The following HEPH variants were observed in gnomAD, a reference collection of about 807,000 sequenced individuals.
HEPH encodes hephaestin.
Under a neutral mutation model 80.8 loss-of-function variants are expected in HEPH, and 69 were observed. That is an observed-to-expected ratio of 0.85 (90% confidence interval 0.70 to 1.04). The LOEUF is 1.04. HEPH is among the 50% of genes least tolerant of loss of function. The pLI is 0.00. For synonymous variants in HEPH, 431 were observed against 322.8 expected (o/e 1.34, Z -3.60); for missense variants, 1,115 against 891.3 (o/e 1.25, Z -3.20).
intron 18 of HEPH, 47 bp downstream of exon 18, chrX:66,259,026 G>C (rs764474888): frequency 1.8e-6 from 2 of 1,142,835 alleles, no homozygotes; most frequent in Admixed American, 2.7e-5. Context: ...TTAGAACAGT[G>C]GTTTAACAGC....
At position 66,256,289 on chromosome X, in the gene HEPH, A is replaced by C. The variant is rs1287911640; in HGVS notation, c.2855A>C (p.Asn952Thr). The C allele has an allele frequency of 8.3e-7, 1 of 1,210,714 alleles. No individual in the cohort carries two copies. ...THGSQDPGSI[N>T]LQDETFLESN... ...GGGTCCCAGGATCCAGGCAGTATTAACCTACAGGATGAAACTTTCTTGGAG... is the reference window on the plus strand; with the variant it reads ...GGGTCCCAGGATCCAGGCAGTATTACCCTACAGGATGAAACTTTCTTGGAG... Residue 952 changes from asparagine (N) to threonine (T), a missense_variant, in exon 17 of 21, where the codon AAC becomes ACC. Physicochemically the swap from Asn to Thr is moderately conservative, Grantham distance 65. Around this residue, in one of 3 missense-constraint regions of HEPH, gnomAD observed 716 missense variants for 523.5 expected, o/e 1.37. Transcript: ENST00000343002.
At chrX:66,207,130 A>T in intron 13 of HEPH, 65 bp from the exon 14 acceptor site, 2 of 1,109,733 alleles carry the variant, frequency 1.8e-6, no homozygotes, top group Non-Finnish European at 2.4e-6. Context: ...GCTTCCCCAT[A>T]AATACTCAAA....
chrX:66,263,556 G>T (rs1448861808), intron 19 of HEPH, 88 bp from the exon 20 acceptor site: 1 of 1,006,557 alleles, frequency 9.9e-7, no homozygotes, highest in Non-Finnish European at 1.4e-6. Context: ...AGAAATTTCT[G>T]CAACCAATGT....
intron 15 of HEPH, among the ~76,000 whole-genome samples, chrX:66,224,844 T>C (rs756275284): frequency 3.6e-5 from 4 of 110,533 alleles, no homozygotes; most frequent in Admixed American, 9.7e-5. Context: ...TCTCTTTCTT[T>C]CTCTCTCTCT....
intron 15 of HEPH, among the ~76,000 whole-genome samples, chrX:66,243,181 A>G (rs1442865343): frequency 8.9e-6 from 1 of 112,062 alleles, no homozygotes; most frequent in East Asian, 2.8e-4. Flanking sequence ...TTTTGCAGAA[A>G]CATAGATGGA....
chrX:66,197,082 G>A (rs1049936530), intron 9 of HEPH, among the ~76,000 whole-genome samples: 2 of 109,803 alleles, frequency 1.8e-5, no homozygotes, highest in Admixed American at 9.8e-5. Context: ...ATTTTCAATT[G>A]TACTTCTTTG....
intron 15 of HEPH, among the ~76,000 whole-genome samples, chrX:66,246,631 T>C (rs2090819992): frequency 9.0e-6 from 1 of 111,307 alleles, no homozygotes; most frequent in South Asian, 3.8e-4. Flanking sequence ...GTTCCCAGTC[T>C]TGCATAGGCT....
At chrX:66,239,905 C>T (rs1411874500) in intron 15 of HEPH, among the ~76,000 whole-genome samples, 3 of 111,607 alleles carry the variant, frequency 2.7e-5, no homozygotes, top group Non-Finnish European at 5.6e-5. Context: ...CTTCGTCACC[C>T]TTGGTAAACA....
chrX:66,265,151 G>A (rs895212680), intron 20 of HEPH, among the ~76,000 whole-genome samples: 1 of 110,776 alleles, frequency 9.0e-6, no homozygotes, highest in African/African-American at 3.3e-5. Flanking sequence ...ATTATATTCT[G>A]TCTTCTCTCA....
chrX:66,166,084 C>T (rs770886058), intron 1 of HEPH, among the ~76,000 whole-genome samples: 33 of 111,902 alleles, frequency 2.9e-4, no homozygotes, highest in Non-Finnish European at 6.0e-4. Flanking sequence ...GGGACTTGTT[C>T]AAGGTTATAT....
intron 8 of HEPH, 80 bp downstream of exon 8, chrX:66,193,718 C>A: frequency 1.4e-6 from 1 of 703,629 alleles, no homozygotes; most frequent in Non-Finnish European, 2.1e-6. Flanking sequence ...GCCTGGACAT[C>A]ACTTAGGAGC....
chrX:66,245,108 G>A (rs2090751859), intron 15 of HEPH, among the ~76,000 whole-genome samples: 1 of 111,176 alleles, frequency 9.0e-6, no homozygotes, highest in Admixed American at 9.6e-5. Flanking sequence ...CATAAAGACA[G>A]GATCAAATTC....
At chrX:66,262,111 A>G (rs1249067327) in intron 19 of HEPH, among the ~76,000 whole-genome samples, 3 of 112,121 alleles carry the variant, frequency 2.7e-5, no homozygotes, top group Non-Finnish European at 5.6e-5. Flanking sequence ...TTGTTTTTTT[A>G]TAACCCGCTA....
chrX:66,172,929 C>T (rs1392764468), intron 3 of HEPH, among the ~76,000 whole-genome samples: 2 of 112,392 alleles, frequency 1.8e-5, no homozygotes, highest in African/African-American at 6.5e-5. Flanking sequence ...AAAGAGAATG[C>T]TATAAATGTG....
chrX:66,202,173 G>A (rs140006755), intron 12 of HEPH, among the ~76,000 whole-genome samples: 1 of 111,529 alleles, frequency 9.0e-6, no homozygotes, highest in East Asian at 2.8e-4. Flanking sequence ...GATACTTGGG[G>A]GTGGGGTGGG....
intron 2 of HEPH, 110 bp downstream of exon 2, chrX:66,170,847 G>A: frequency 1.6e-6 from 1 of 642,111 alleles, no homozygotes; most frequent in Non-Finnish European, 2.4e-6. Flanking sequence ...GCCAGCTCCT[G>A]ATTGCTCCGA....
intron 1 of HEPH, among the ~76,000 whole-genome samples, chrX:66,166,475 G>T (rs766253143): frequency 8.9e-6 from 1 of 112,183 alleles, no homozygotes; most frequent in South Asian, 3.7e-4. Flanking sequence ...CATTACAGGC[G>T]TGAGCCACTG....
At position 66,266,813 on chromosome X, in the gene HEPH, C is replaced by A. The variant is rs566020276; in HGVS notation, c.*141C>A. ...AGCAATCAAGCTTATCTGGATATTT[C>A]TTTCTTTATTTATTTTACATGGAAA... On this transcript the variant is annotated 3_prime_UTR_variant, in exon 21 of 21. Coordinates refer to ENST00000343002, the MANE Select transcript of HEPH (RefSeq NM_001367233.3). The A allele has an allele frequency of 1.4e-5, 6 of 432,125 alleles. No homozygotes were observed. The highest frequency in any genetic ancestry group is 1.2e-4 in the South Asian group (3 of 24,218). 35.6% of individuals were successfully genotyped at this position (432,125 alleles called of 1,213,427 possible).
At chrX:66,221,574 AGTT>A (rs2089648962) in intron 15 of HEPH, among the ~76,000 whole-genome samples, 1 of 112,438 alleles carries the variant, frequency 8.9e-6, no homozygotes, top group Admixed American at 9.3e-5. Context: ...AACCCTGCCT[AGTT>A]GTTTTGAAAG....
Sources: gnomAD v4.1 joint callset for allele counts (sites outside exome capture counted in the v4.1 genomes callset) on GRCh38, gnomAD v4.1.1 for gene constraint, gnomAD v4.1.1 regional missense constraint, MANE v1.5 for transcripts, NCBI Gene and HGNC (gene_info 2026-07-23, HGNC 2026-07-21) for gene names.